CNTN5: variants seen among roughly 807,000 people sequenced by gnomAD.
CNTN5 encodes contactin-5.
CNTN5 carries 77 observed loss-of-function variants against 129.1 expected under a neutral mutation model. That is an observed-to-expected ratio of 0.60 (90% CI 0.50 to 0.72). The LOEUF is 0.72. Ranked by LOEUF, CNTN5 falls within the 30% of genes least tolerant of loss-of-function variation. The pLI is 0.00. For missense variants in CNTN5, 1,478 were observed against 1,328.8 expected (o/e 1.11, Z -1.75); for synonymous variants, 509 against 465.6 (o/e 1.09, Z -1.20).
At chr11:99,976,097 C>T (rs1937944687) in intron 8 of CNTN5, among the ~76,000 whole-genome samples, 1 of 152,180 alleles carries the variant, frequency 6.6e-6, no homozygotes, top group African/African-American at 2.4e-5. Flanking sequence ...CATACAAGTC[C>T]ATAAACCATC....
intron 9 of CNTN5, among the ~76,000 whole-genome samples, chr11:100,009,109 A>G (rs560968542): frequency 6.6e-5 from 10 of 152,214 alleles, no homozygotes; most frequent in Admixed American, 1.3e-4. Context: ...AAATTTACCA[A>G]CCTGCCTCAT....
intron 9 of CNTN5, among the ~76,000 whole-genome samples, chr11:100,047,959 G>T (rs1942772784): frequency 6.6e-6 from 1 of 152,046 alleles, no homozygotes; most frequent in African/African-American, 2.4e-5. Context: ...ATGAAACTCT[G>T]TCTCTACTAA....
intron 9 of CNTN5, among the ~76,000 whole-genome samples, chr11:100,060,994 A>T (rs1367201470): frequency 6.6e-6 from 1 of 152,220 alleles, no homozygotes; most frequent in Non-Finnish European, 1.5e-5. Flanking sequence ...TTGTCTTTTA[A>T]TTGCTTTCCT....
At chr11:99,880,142 A>G (rs1948734452) in intron 6 of CNTN5, among the ~76,000 whole-genome samples, 1 of 152,202 alleles carries the variant, frequency 6.6e-6, no homozygotes, top group Non-Finnish European at 1.5e-5. Flanking sequence ...GCGTGTGTTC[A>G]TTAATATTTT....
chr11:99,843,246 T>C (rs921432495), intron 4 of CNTN5, among the ~76,000 whole-genome samples: 6 of 152,098 alleles, frequency 3.9e-5, no homozygotes, highest in African/African-American at 9.7e-5. Flanking sequence ...AAAACTTGCA[T>C]CTAGGTTATC....
intron 2 of CNTN5, among the ~76,000 whole-genome samples, chr11:99,429,665 A>G (rs1356236140): frequency 1.3e-5 from 2 of 152,122 alleles, no homozygotes; most frequent in African/African-American, 4.8e-5. Flanking sequence ...TTTAGGCTCT[A>G]TCTTTTAACT....
At chr11:99,898,158 A>AAAGAAT (rs912634199) in intron 6 of CNTN5, among the ~76,000 whole-genome samples, 1 of 152,134 alleles carries the variant, frequency 6.6e-6, no homozygotes, top group Non-Finnish European at 1.5e-5. Context: ...GCTGCATCTC[A>AAAGAAT]AAGAATAAGA....
chr11:100,176,073 G>A (rs186915438), intron 13 of CNTN5, among the ~76,000 whole-genome samples: 1 of 152,102 alleles, frequency 6.6e-6, no homozygotes, highest in Admixed American at 6.6e-5. Flanking sequence ...AGGCTAGAGT[G>A]CAGTGGCTCC....
chr11:99,119,816 A>G (rs1171394858), intron 1 of CNTN5, among the ~76,000 whole-genome samples: 3 of 152,070 alleles, frequency 2.0e-5, no homozygotes, highest in East Asian at 1.9e-4. Context: ...TTGACTTTCA[A>G]TAATAGCCAC....
At chr11:99,802,756 G>C (rs1946152897) in intron 3 of CNTN5, among the ~76,000 whole-genome samples, 1 of 152,090 alleles carries the variant, frequency 6.6e-6, no homozygotes, top group Non-Finnish European at 1.5e-5. Context: ...CATGCAGAGG[G>C]GTCCCCTGCA....
At chr11:99,640,189 G>C (rs1951719145) in intron 3 of CNTN5, among the ~76,000 whole-genome samples, 1 of 152,116 alleles carries the variant, frequency 6.6e-6, no homozygotes, top group African/African-American at 2.4e-5. Flanking sequence ...AGTTCTGCCT[G>C]TCACCCATTT....
intron 2 of CNTN5, among the ~76,000 whole-genome samples, chr11:99,485,290 A>G (rs575390187): frequency 6.6e-6 from 1 of 152,112 alleles, no homozygotes; most frequent in African/African-American, 2.4e-5. Context: ...GGAGAGAGAG[A>G]TAAATAGGCA....
intron 1 of CNTN5, among the ~76,000 whole-genome samples, chr11:99,279,113 G>T (rs1863581158): frequency 6.6e-6 from 1 of 151,748 alleles, no homozygotes; most frequent in Admixed American, 6.6e-5. Flanking sequence ...CAACCATTTG[G>T]TGTTTTGTTA....
At chr11:99,096,195 T>G (rs1866461645) in intron 1 of CNTN5, among the ~76,000 whole-genome samples, 1 of 151,864 alleles carries the variant, frequency 6.6e-6, no homozygotes, top group Non-Finnish European at 1.5e-5. Flanking sequence ...AGTTCATTGG[T>G]TTTGAAAAAT....
intron 1 of CNTN5, among the ~76,000 whole-genome samples, chr11:99,206,128 G>C (rs559522751): frequency 6.6e-6 from 1 of 152,234 alleles, no homozygotes; most frequent in South Asian, 2.1e-4. Flanking sequence ...GAAATGTCCT[G>C]TGTTCCTCTC....
At chr11:99,033,324 T>C (rs928798904) in intron 1 of CNTN5, among the ~76,000 whole-genome samples, 1 of 152,174 alleles carries the variant, frequency 6.6e-6, no homozygotes, top group African/African-American at 2.4e-5. Flanking sequence ...GGTAGCTTGA[T>C]GGGAGTGGCA....
At chr11:99,401,585 T>C (rs1941809611) in intron 2 of CNTN5, among the ~76,000 whole-genome samples, 1 of 152,188 alleles carries the variant, frequency 6.6e-6, no homozygotes, top group African/African-American at 2.4e-5. Flanking sequence ...TGGTTCCATA[T>C]AAATTTTAGA....
intron 17 of CNTN5, among the ~76,000 whole-genome samples, chr11:100,264,996 GT>G (rs767279660): frequency 2.0e-5 from 3 of 151,886 alleles, no homozygotes; most frequent in Non-Finnish European, 2.9e-5. Flanking sequence ...ATGTTGTGGG[GT>G]TTTTTTATAT....
intron 13 of CNTN5, among the ~76,000 whole-genome samples, chr11:100,077,858 CA>C (rs1732321417): frequency 1.3e-5 from 2 of 151,354 alleles, no homozygotes; most frequent in South Asian, 4.2e-4. Context: ...AAAATAAGAT[CA>C]AAAAGAAATA....
Sources: gnomAD v4.1 joint callset for allele counts (sites outside exome capture counted in the v4.1 genomes callset) on GRCh38, gnomAD v4.1.1 for gene constraint, MANE v1.5 for transcripts, NCBI Gene and HGNC (gene_info 2026-07-23, HGNC 2026-07-21) for gene names.